ZFHX3: variants seen among roughly 807,000 people sequenced by gnomAD.
ZFHX3 encodes zinc finger homeobox protein 3.
ZFHX3 carries 42 observed loss-of-function variants against 279.1 expected under a neutral mutation model. That is an observed-to-expected ratio of 0.15 (90% CI 0.12 to 0.19). The LOEUF (loss-of-function observed/expected upper bound fraction) is 0.19, where lower values mean the gene tolerates loss of function less well. ZFHX3 is among the 10% of genes least tolerant of loss of function. The pLI is 1.00. For synonymous variants in ZFHX3, 2,293 were observed against 1,957.8 expected, an observed-to-expected ratio of 1.17 and a Z score of -4.52; for missense variants, 4,981 against 4,754.0, an observed-to-expected ratio of 1.05 and a Z score of -1.40.
At chr16:73,335,407 C>T (rs754081551) in intron 3 of ZFHX3, among the ~76,000 whole-genome samples, 24 of 152,162 alleles carry the variant, frequency 1.6e-4, no homozygotes, top group Non-Finnish European at 3.2e-4. Context: ...TCTTTTACCC[C>T]GTGTAACTTT....
intron 3 of ZFHX3, among the ~76,000 whole-genome samples, chr16:73,434,902 T>G (rs2017971273): frequency 6.6e-6 from 1 of 152,172 alleles, no homozygotes. Flanking sequence ...GCATTGCAAG[T>G]AAGAGTCACA....
At chr16:73,078,551 G>A (rs1344621498) in intron 8 of ZFHX3, among the ~76,000 whole-genome samples, 1 of 151,872 alleles carries the variant, frequency 6.6e-6, no homozygotes, top group Non-Finnish European at 1.5e-5. Flanking sequence ...TTTTTCTTTG[G>A]TCTACCATGC....
At chr16:73,231,365 G>C (rs1251136083) in intron 5 of ZFHX3, among the ~76,000 whole-genome samples, 1 of 152,234 alleles carries the variant, frequency 6.6e-6, no homozygotes, top group Non-Finnish European at 1.5e-5. Flanking sequence ...ACTAGGGCAA[G>C]TGCAATTCAG....
chr16:73,542,023 A>G (rs2081898308), intron 2 of ZFHX3, among the ~76,000 whole-genome samples: 1 of 151,490 alleles, frequency 6.6e-6, no homozygotes, highest in African/African-American at 2.4e-5. Flanking sequence ...GATGGTCTCG[A>G]TCTCTTGACC....
rs532854127 is a variant in ZFHX3, at chr16:73,607,386, T to C, written c.-1547+72794A>G. Reference sequence around the variant, plus strand: ...ATGCTGTATATGTACTACATTTTCTTTATCCAGTCTATCATCACTGGGTAT... The same window carrying C: ...ATGCTGTATATGTACTACATTTTCTCTATCCAGTCTATCATCACTGGGTAT... On this transcript the variant is annotated intron_variant, in intron 2 of 17. Coordinates refer to the ZFHX3 transcript ENST00000641206. Among the ~76,000 whole-genome samples the C allele has an allele frequency of 2.6e-5, 4 of 152,316 alleles. No individual in the cohort carries two copies. The South Asian group carries it at 8.3e-4, about 32-fold the overall frequency.
intron 2 of ZFHX3, among the ~76,000 whole-genome samples, chr16:73,466,444 T>G (rs1282760478): frequency 5.3e-5 from 8 of 152,244 alleles, no homozygotes; most frequent in Admixed American, 5.2e-4. Flanking sequence ...ATTGCACCAC[T>G]GCGCTCCAGC....
At chr16:73,682,511 T>C (rs1440592165) in intron 1 of ZFHX3, among the ~76,000 whole-genome samples, 1 of 151,830 alleles carries the variant, frequency 6.6e-6, no homozygotes, top group Non-Finnish European at 1.5e-5. Flanking sequence ...GTAGGCCGGG[T>C]GCGGTGGCTC....
intron 5 of ZFHX3, among the ~76,000 whole-genome samples, chr16:73,230,779 T>C (rs1421320001): frequency 1.3e-5 from 2 of 152,214 alleles, no homozygotes; most frequent in Admixed American, 6.5e-5. Context: ...TAAATTCCTC[T>C]GCTAATTGGA....
chr16:73,879,479 T>C (rs1004294401), intron 1 of ZFHX3, among the ~76,000 whole-genome samples: 2 of 152,082 alleles, frequency 1.3e-5, no homozygotes, highest in African/African-American at 4.8e-5. Flanking sequence ...TTCCCTTTCA[T>C]TCTGGTTGGT....
At chr16:73,407,968 C>T (rs2017394619) in intron 3 of ZFHX3, among the ~76,000 whole-genome samples, 2 of 151,890 alleles carry the variant, frequency 1.3e-5, no homozygotes, top group South Asian at 4.2e-4. Context: ...TGGGGAAGTG[C>T]ATCCACCTTC....
At chr16:73,694,859 A>G (rs994019441) in intron 1 of ZFHX3, among the ~76,000 whole-genome samples, 4 of 152,232 alleles carry the variant, frequency 2.6e-5, no homozygotes, top group Non-Finnish European at 5.9e-5. Context: ...TCAACCTGAC[A>G]GTGACAAATA....
chr16:73,408,461 C>A (rs181604680), intron 3 of ZFHX3, among the ~76,000 whole-genome samples: 2 of 152,284 alleles, frequency 1.3e-5, no homozygotes, highest in South Asian at 2.1e-4. Flanking sequence ...TTGACACGTC[C>A]ACCCTTCCTT....
intron 5 of ZFHX3, among the ~76,000 whole-genome samples, chr16:73,213,701 T>A (rs73597324): frequency 6.6e-6 from 1 of 152,196 alleles, no homozygotes; most frequent in Non-Finnish European, 1.5e-5. Flanking sequence ...CTTTTGTGAA[T>A]AGCCATGTTT....
intron 2 of ZFHX3, among the ~76,000 whole-genome samples, chr16:73,597,326 C>G (rs1236536468): frequency 1.3e-5 from 2 of 152,292 alleles, no homozygotes; most frequent in Non-Finnish European, 2.9e-5. Flanking sequence ...GGCCTCATCA[C>G]TCTGTAGACT....
chr16:73,235,827 C>T (rs888986077), intron 5 of ZFHX3, among the ~76,000 whole-genome samples: 8 of 152,158 alleles, frequency 5.3e-5, no homozygotes, highest in East Asian at 1.9e-4. Context: ...TGCGCCACCA[C>T]GCTAGGCAAA....
At chr16:73,571,231 G>A (rs2051731125) in intron 2 of ZFHX3, among the ~76,000 whole-genome samples, 1 of 129,496 alleles carries the variant, frequency 7.7e-6, no homozygotes, top group Admixed American at 7.5e-5. Context: ...AATTGAAAAT[G>A]CATTTTTTTC....
intron 3 of ZFHX3, among the ~76,000 whole-genome samples, chr16:73,424,563 A>C (rs570394702): frequency 3.4e-4 from 52 of 152,164 alleles, no homozygotes; most frequent in Non-Finnish European, 5.6e-4. Flanking sequence ...TGGGCAACGT[A>C]GCAAGACCCT....
intron 1 of ZFHX3, among the ~76,000 whole-genome samples, chr16:73,766,727 G>C (rs181861402): frequency 1.3e-5 from 2 of 152,092 alleles, no homozygotes; most frequent in Non-Finnish European, 2.9e-5. Context: ...CTCAGGACAG[G>C]ACCGCAGACC....
intron 1 of ZFHX3, among the ~76,000 whole-genome samples, chr16:73,761,557 G>C (rs34322740): frequency 6.6e-6 from 1 of 152,068 alleles, no homozygotes. Context: ...CAAAGCTGGA[G>C]GTGTCATGCT....
Sources: allele counts gnomAD v4.1 joint callset (sites outside exome capture counted in the v4.1 genomes callset), GRCh38; gene constraint gnomAD v4.1.1; transcripts MANE v1.5; gene names NCBI Gene and HGNC (gene_info 2026-07-23, HGNC 2026-07-21).